The following ELMO1 variants were observed in gnomAD, a reference collection of about 807,000 sequenced individuals.
ELMO1 encodes the protein engulfment and cell motility 1, also known as engulfment and cell motility protein 1.
A neutral mutation model predicts 98.9 loss-of-function variants in ELMO1; 26 were observed. The ratio of observed to expected loss-of-function variants is 0.26; its 90% CI spans 0.19 to 0.36. ELMO1 has a LOEUF of 0.36. Ranked by LOEUF, ELMO1 falls within the 10% of genes least tolerant of loss-of-function variation. The pLI, the probability that ELMO1 is intolerant of heterozygous loss-of-function variation, is 1.00. For synonymous variants in ELMO1, 346 were observed against 346.0 expected, an observed-to-expected ratio of 1.00 and a Z score of 0.00; for missense variants, 627 against 935.2, an observed-to-expected ratio of 0.67 and a Z score of 4.30.
intron 1 of ELMO1, among the ~76,000 whole-genome samples, chr7:37,377,118 T>C (rs1802382178): frequency 1.3e-5 from 2 of 152,224 alleles, no homozygotes; most frequent in South Asian, 4.1e-4. Flanking sequence ...TCATGTGATC[T>C]CATGGCTGAC....
intron 4 of ELMO1, among the ~76,000 whole-genome samples, chr7:37,288,328 G>C (rs6954443): frequency 6.6e-6 from 1 of 151,750 alleles, no homozygotes. Context: ...GGGTTCAAGC[G>C]ATTCTCCTGC....
rs553379370 is a variant in ELMO1, at chr7:37,133,097, C to T, written c.1191+33G>A. ...TTTGAAATTAACATTGAGTAGGAAA[C>T]ACACAATATCTGAAAAGGGGCTTCT... is the stretch of plus-strand genomic sequence containing the variant. On this transcript the variant is annotated intron_variant, in intron 14 of 21. Coordinates refer to ENST00000310758, the MANE Select transcript of ELMO1 (RefSeq NM_014800.11). The T allele has an allele frequency of 4.8e-5, 74 of 1,533,196 alleles. No homozygotes were observed. In the South Asian group the frequency reaches 7.9e-4, roughly 16 times the overall value. The allele number at this position is 1,533,196 out of a possible 1,614,324, so 95.0% of individuals were successfully genotyped here.
intron 16 of ELMO1, among the ~76,000 whole-genome samples, chr7:36,921,597 T>C (rs1036850626): frequency 3.3e-5 from 5 of 152,326 alleles, no homozygotes; most frequent in Admixed American, 3.3e-4. Context: ...AGAGGTTCTC[T>C]TTCTTGCACC....
intron 16 of ELMO1, among the ~76,000 whole-genome samples, chr7:36,976,277 C>T (rs1037016708): frequency 1.3e-5 from 2 of 152,354 alleles, no homozygotes; most frequent in Non-Finnish European, 2.9e-5. Flanking sequence ...CAATTCTACT[C>T]ATACAGAATT....
At chr7:36,976,806 G>A (rs1313056185) in intron 16 of ELMO1, among the ~76,000 whole-genome samples, 1 of 152,204 alleles carries the variant, frequency 6.6e-6, no homozygotes, top group Non-Finnish European at 1.5e-5. Flanking sequence ...ATGGATTATT[G>A]TAAGGCTAAT....
intron 1 of ELMO1, chr7:37,353,111 T>TCC (rs1562638328): frequency 6.6e-6 from 1 of 152,168 alleles, no homozygotes; most frequent in African/African-American, 2.4e-5. Flanking sequence ...ATCAGGATCA[T>TCC]CCCCCAGCCA....
At chr7:37,179,076 C>G (rs987431326) in intron 13 of ELMO1, among the ~76,000 whole-genome samples, 1 of 151,968 alleles carries the variant, frequency 6.6e-6, no homozygotes, top group Non-Finnish European at 1.5e-5. Context: ...TTAGCATTGC[C>G]GGAAGCTAGG....
chr7:36,927,157 A>G (rs985492317), intron 16 of ELMO1, among the ~76,000 whole-genome samples: 22 of 152,194 alleles, frequency 1.4e-4, no homozygotes, highest in Non-Finnish European at 1.5e-5. Flanking sequence ...TATTATTCCC[A>G]TTTTACAGAC....
intron 16 of ELMO1, among the ~76,000 whole-genome samples, chr7:36,921,266 C>T (rs1049489809): frequency 1.3e-5 from 2 of 152,198 alleles, no homozygotes; most frequent in Non-Finnish European, 2.9e-5. Flanking sequence ...AGCAGTGTGG[C>T]CCTGTGATCA....
intron 14 of ELMO1, among the ~76,000 whole-genome samples, chr7:37,110,509 G>A (rs1262319544): frequency 6.6e-6 from 1 of 152,150 alleles, no homozygotes; most frequent in Non-Finnish European, 1.5e-5. Flanking sequence ...CAGCATTTCT[G>A]CCACTTAAAG....
At chr7:37,039,704 C>T (rs1191383102) in intron 15 of ELMO1, among the ~76,000 whole-genome samples, 1 of 152,150 alleles carries the variant, frequency 6.6e-6, no homozygotes, top group African/African-American at 2.4e-5. Context: ...TCTATTTCAG[C>T]CTGTGTCTAA....
chr7:37,225,151 T>C (rs2130560388), intron 8 of ELMO1, 121 bp from the exon 9 acceptor site: 2 of 1,169,430 alleles, frequency 1.7e-6, no homozygotes, highest in Non-Finnish European at 2.4e-6. Flanking sequence ...GAGGATGACC[T>C]GGAATTACAG....
chr7:37,173,372 G>A lies in ELMO1; in HGVS notation c.1086+38014C>T, dbSNP rs113486660. Among the ~76,000 whole-genome samples, 306 of 152,240 alleles carry A rather than the reference G, an allele frequency of 2.0e-3. 1 individual carries two copies. The highest frequency in any genetic ancestry group is 7.7e-4 in the East Asian group (4 of 5,172). On this transcript the variant is annotated intron_variant, in intron 13 of 21. Coordinates refer to ENST00000310758, the MANE Select transcript of ELMO1 (RefSeq NM_014800.11). ...GGACCATTGAGGGAGTACAAGCCAC[G>A]TCACAGAGATCCCCACTGATGGAAG...
At chr7:36,942,538 G>T (rs1562843295) in intron 16 of ELMO1, among the ~76,000 whole-genome samples, 1 of 152,234 alleles carries the variant, frequency 6.6e-6, no homozygotes, top group Non-Finnish European at 1.5e-5. Flanking sequence ...CATGGATGGG[G>T]ATTTCAGGAG....
At chr7:37,300,696 T>C (rs1284669120) in intron 4 of ELMO1, among the ~76,000 whole-genome samples, 2 of 131,070 alleles carry the variant, frequency 1.5e-5, no homozygotes, top group African/African-American at 5.7e-5. Flanking sequence ...GATTTTTGCA[T>C]CAATGTTCAT....
intron 13 of ELMO1, among the ~76,000 whole-genome samples, chr7:37,192,972 T>C (rs1297111815): frequency 5.9e-5 from 1 of 17,004 alleles, no homozygotes; most frequent in Non-Finnish European, 1.9e-4. Context: ...ATATAGGAGA[T>C]ATATATATAT....
At chr7:37,401,768 A>G (rs146989014) in intron 1 of ELMO1, among the ~76,000 whole-genome samples, 56 of 152,302 alleles carry the variant, frequency 3.7e-4, no homozygotes, top group Middle Eastern at 3.4e-3. Flanking sequence ...CCCTCGCATG[A>G]CATGTGGGGA....
intron 16 of ELMO1, among the ~76,000 whole-genome samples, chr7:36,927,847 G>T (rs963766247): frequency 6.6e-6 from 1 of 152,192 alleles, no homozygotes; most frequent in Admixed American, 6.5e-5. Context: ...TTAATTCCAA[G>T]GACTGTCATT....
At chr7:37,176,502 A>G (rs1790503503) in intron 13 of ELMO1, among the ~76,000 whole-genome samples, 1 of 152,262 alleles carries the variant, frequency 6.6e-6, no homozygotes, top group Admixed American at 6.5e-5. Context: ...TATTGCTTAC[A>G]AAAATACTAG....
Sources: allele counts gnomAD v4.1 joint callset (sites outside exome capture counted in the v4.1 genomes callset), GRCh38; gene constraint gnomAD v4.1.1; transcripts MANE v1.5; gene names NCBI Gene and HGNC (gene_info 2026-07-23, HGNC 2026-07-21).